Variants in PACRG observed in about 807,000 individuals in gnomAD.
The protein encoded by PACRG is parkin coregulated gene protein.
In PACRG, 29 loss-of-function variants were observed where a neutral mutation model predicts 29.7. The observed-to-expected ratio is 0.98, with a 90% CI of 0.73 to 1.33. The LOEUF is 1.33. Ranked by LOEUF, PACRG falls within the 40% of genes most tolerant of loss-of-function variation. PACRG has a pLI of 0.00. For synonymous variants in PACRG, 116 were observed against 118.7 expected, an observed-to-expected ratio of 0.98 and a Z score of 0.15; for missense variants, 279 against 316.2, an observed-to-expected ratio of 0.88 and a Z score of 0.89.
At chr6:163,134,462 A>C (rs554558643) in intron 4 of PACRG, among the ~76,000 whole-genome samples, 5 of 152,146 alleles carry the variant, frequency 3.3e-5, no homozygotes, top group Non-Finnish European at 5.9e-5. Context: ...GCAGGGCCTC[A>C]AGCAACTTCA....
intron 4 of PACRG, among the ~76,000 whole-genome samples, chr6:163,091,438 G>A (rs912622218): frequency 2.6e-4 from 39 of 152,156 alleles, no homozygotes; most frequent in Non-Finnish European, 4.1e-4. Flanking sequence ...AAGTTCATAC[G>A]AGAGTCCTTA....
chr6:162,932,845 A>C (rs1222128690), intron 2 of PACRG, among the ~76,000 whole-genome samples: 1 of 151,878 alleles, frequency 6.6e-6, no homozygotes, highest in East Asian at 1.9e-4. Flanking sequence ...TCAGATTTCT[A>C]AAATATTTTT....
At chr6:162,770,512 A>G (rs1783136452) in intron 1 of PACRG, among the ~76,000 whole-genome samples, 2 of 152,176 alleles carry the variant, frequency 1.3e-5, no homozygotes, top group Non-Finnish European at 2.9e-5. Flanking sequence ...GCCACATAAA[A>G]TAGATTTTTT....
chr6:163,254,324 G>A (rs1562341024), intron 4 of PACRG, among the ~76,000 whole-genome samples: 2 of 152,172 alleles, frequency 1.3e-5, no homozygotes, highest in Admixed American at 6.5e-5. Context: ...GAAGGGGGAG[G>A]AGGATGGGAG....
At chr6:163,284,081 C>G (rs1476834062) in intron 4 of PACRG, among the ~76,000 whole-genome samples, 1 of 152,076 alleles carries the variant, frequency 6.6e-6, no homozygotes, top group Non-Finnish European at 1.5e-5. Flanking sequence ...CCATTGCACT[C>G]CAGCCTGGGC....
chr6:163,080,884 A>C (rs1813014149), intron 3 of PACRG, among the ~76,000 whole-genome samples: 1 of 152,172 alleles, frequency 6.6e-6, no homozygotes, highest in African/African-American at 2.4e-5. Flanking sequence ...TTTTTGTATG[A>C]CATTTACTTC....
At chr6:162,783,176 G>T (rs1784218602) in intron 1 of PACRG, among the ~76,000 whole-genome samples, 2 of 151,850 alleles carry the variant, frequency 1.3e-5, no homozygotes, top group Non-Finnish European at 3.0e-5. Context: ...GAAGGAATGT[G>T]TATTTTGCTT....
chr6:163,181,575 G>T (rs1390127047), intron 4 of PACRG, among the ~76,000 whole-genome samples: 1 of 138,350 alleles, frequency 7.2e-6, no homozygotes, highest in African/African-American at 2.7e-5. Context: ...ATGGACAGGG[G>T]AGAATCAGAG....
intron 4 of PACRG, among the ~76,000 whole-genome samples, chr6:163,113,013 T>C (rs1815794493): frequency 6.6e-6 from 1 of 151,994 alleles, no homozygotes; most frequent in African/African-American, 2.4e-5. Flanking sequence ...AAGAAAACAA[T>C]GTATGAACAA....
chr6:163,132,827 A>G (rs1439007408), intron 4 of PACRG, among the ~76,000 whole-genome samples: 1 of 152,216 alleles, frequency 6.6e-6, no homozygotes, highest in Non-Finnish European at 1.5e-5. Flanking sequence ...TCACTTCCAA[A>G]TGGACTTCAA....
chr6:163,226,320 T>C (rs1348580555), intron 4 of PACRG, among the ~76,000 whole-genome samples: 1 of 152,300 alleles, frequency 6.6e-6, no homozygotes, highest in Middle Eastern at 3.4e-3. Flanking sequence ...TAATGTATAT[T>C]TGAAAATTGC....
intron 1 of PACRG, among the ~76,000 whole-genome samples, chr6:162,761,471 T>G (rs1378546030): frequency 1.3e-5 from 2 of 152,224 alleles, no homozygotes; most frequent in Non-Finnish European, 2.9e-5. Flanking sequence ...AGTTTTGGTT[T>G]TGCATGTCTC....
chr6:163,046,213 CCCT>C (rs1216685779), intron 2 of PACRG, among the ~76,000 whole-genome samples: 2 of 150,998 alleles, frequency 1.3e-5, no homozygotes, highest in Non-Finnish European at 1.5e-5. Flanking sequence ...GAACACTCAC[CCCT>C]CCTCATCTCA....
intron 4 of PACRG, among the ~76,000 whole-genome samples, chr6:163,224,324 A>G (rs1282091559): frequency 9.5e-5 from 13 of 136,796 alleles, no homozygotes; most frequent in African/African-American, 3.5e-4. Context: ...AGCCAAGATC[A>G]TGCCACTGCA....
intron 2 of PACRG, among the ~76,000 whole-genome samples, chr6:162,826,830 C>T (rs1788328077): frequency 6.6e-6 from 1 of 152,140 alleles, no homozygotes; most frequent in Non-Finnish European, 1.5e-5. Flanking sequence ...TTTATCTTCT[C>T]AATATTCATA....
chr6:162,799,218 T>TA (rs1376554230), intron 1 of PACRG, among the ~76,000 whole-genome samples: 1 of 152,176 alleles, frequency 6.6e-6, no homozygotes, highest in Non-Finnish European at 1.5e-5. Context: ...GCATATTTAC[T>TA]AAAAAATAAT....
rs554067645 is a variant in PACRG at position 162,929,231 on chromosome 6, C to G, written c.291+114950C>G. ...CTGGCTGTACTAATTTACATTCCCC[C>G]CAACAGTGTAAAGAGTTCCCCGTTC... On this transcript the variant is annotated intron_variant, in intron 2 of 4. Coordinates refer to ENST00000366888, the MANE Select transcript of PACRG (RefSeq NM_001080379.2). 1.3e-4 allele frequency among the ~76,000 whole-genome samples: 20 copies of G among 152,082 alleles called. No homozygotes were observed. The East Asian group carries it at 3.9e-3, about 29-fold the overall frequency.
chr6:162,777,718 A>G lies in PACRG; in HGVS notation c.157-36429A>G, dbSNP rs1390669899. Among the ~76,000 whole-genome samples the G allele has an allele frequency of 2.0e-5, 3 of 152,174 alleles. No homozygotes were observed. The highest frequency in any genetic ancestry group is 7.2e-5 in the African/African-American group (3 of 41,438). ...TACTGTAGAGATGCATTTAAAGTTT[A>G]ATATTAACATATTCTGGAGCATCTT... On this transcript the variant is annotated intron_variant, in intron 1 of 4. Coordinates refer to ENST00000366888, the MANE Select transcript of PACRG (RefSeq NM_001080379.2). This position sits in a 1 kb window ranked among gnomAD's most constrained non-coding sequence, Gnocchi z 4.0.
At chr6:162,947,561 T>TATATAATC (rs1562766795) in intron 2 of PACRG, among the ~76,000 whole-genome samples, 3 of 93,772 alleles carry the variant, frequency 3.2e-5, no homozygotes, top group South Asian at 3.3e-4. Flanking sequence ...TATATAATCA[T>TATATAATC]ATATATATAC....
Sources: gnomAD v4.1 joint callset for allele counts (sites outside exome capture counted in the v4.1 genomes callset) on GRCh38, gnomAD v4.1.1 for gene constraint, Gnocchi (gnomAD v3.1) non-coding constraint, MANE v1.5 for transcripts, NCBI Gene and HGNC (gene_info 2026-07-23, HGNC 2026-07-21) for gene names.